Variants in LIMK1 observed in about 807,000 individuals in gnomAD.
LIMK1 encodes the protein LIM domain kinase 1.
Under a neutral mutation model 77.6 loss-of-function variants are expected in LIMK1, and 21 were observed. That is an observed-to-expected ratio of 0.27 (90% CI 0.19 to 0.39). The LOEUF is 0.39. Among genes scored for constraint, LIMK1 ranks in the 10% least tolerant of loss-of-function variants. The pLI is 1.00. For missense variants in LIMK1, 696 were observed against 901.6 expected (o/e 0.77, Z 2.92); for synonymous variants, 358 against 370.0 (o/e 0.97, Z 0.37).
At chr7:74,089,958 T>A (rs1057353990) in intron 2 of LIMK1, among the ~76,000 whole-genome samples, 2 of 151,986 alleles carry the variant, frequency 1.3e-5, no homozygotes, top group Non-Finnish European at 2.9e-5. Flanking sequence ...GGAAGCCGTG[T>A]TACAGGATGG....
At chr7:74,095,349 C>A (rs545078409) in intron 2 of LIMK1, among the ~76,000 whole-genome samples, 16 of 152,210 alleles carry the variant, frequency 1.1e-4, no homozygotes, top group Non-Finnish European at 1.9e-4. Flanking sequence ...CATGCCCCCC[C>A]ACAGCAGGAC....
At chr7:74,119,264 C>T (rs1290249182) in intron 13 of LIMK1, among the ~76,000 whole-genome samples, 6 of 151,450 alleles carry the variant, frequency 4.0e-5, no homozygotes, top group Admixed American at 2.6e-4. Context: ...CTGCAACCTC[C>T]ACCTCCTGGG....
chr7:74,115,894 A>G lies in LIMK1; in HGVS notation c.1503A>G (p.Pro501=), dbSNP rs1563924206. The G allele has an allele frequency of 6.2e-7, 1 of 1,614,212 alleles. No individual in the cohort carries two copies. Among genetic ancestry groups the G allele is most frequent in the South Asian group, 1.1e-5 (1 of 91,088 alleles). The change falls in exon 13 of 16, where the codon CCA becomes CCG. Residue 501 remains proline (P), a synonymous_variant. Transcript: ENST00000336180. ...AGGGCCTGCGGAGCCTCAAGAAGCCAGACCGCAAGAAGCGCTACACCGTGG... is the reference window on the plus strand; with the variant it reads ...AGGGCCTGCGGAGCCTCAAGAAGCCGGACCGCAAGAAGCGCTACACCGTGG... The part of the protein sequence containing the change: ...QPEGLRSLKK[P]DRKKRYTVVG...
At chr7:74,085,486 G>A (rs1185636371) in intron 1 of LIMK1, among the ~76,000 whole-genome samples, 2 of 152,204 alleles carry the variant, frequency 1.3e-5, no homozygotes, top group Non-Finnish European at 2.9e-5. Flanking sequence ...GCGGGAGGAT[G>A]GACCTGATCC....
intron 5 of LIMK1, among the ~76,000 whole-genome samples, chr7:74,103,694 C>G (rs1210702020): frequency 6.6e-6 from 1 of 152,152 alleles, no homozygotes; most frequent in African/African-American, 2.4e-5. Flanking sequence ...GCGATTATTA[C>G]TAGGGTGGCT....
intron 5 of LIMK1, among the ~76,000 whole-genome samples, chr7:74,102,508 CAG>C (rs1392555263): frequency 4.0e-3 from 35 of 8,792 alleles, no homozygotes; most frequent in African/African-American, 5.4e-3. Flanking sequence ...TTTTTGGAGA[CAG>C]GGTATCACTG....
At chr7:74,110,790 A>G (rs1799682764) in intron 10 of LIMK1, 1 of 151,952 alleles carries the variant, frequency 6.6e-6, no homozygotes, top group Non-Finnish European at 1.5e-5. Context: ...TGACCTCCCA[A>G]AGTGTTGGGA....
chr7:74,108,469 A>AC (rs1799627393), intron 9 of LIMK1, among the ~76,000 whole-genome samples: 2 of 152,008 alleles, frequency 1.3e-5, no homozygotes, highest in East Asian at 3.9e-4. Context: ...ACATGGCAAA[A>AC]CCCCGTCTCT....
At chr7:74,092,146 A>G (rs980773783) in intron 2 of LIMK1, among the ~76,000 whole-genome samples, 1 of 151,614 alleles carries the variant, frequency 6.6e-6, no homozygotes, top group African/African-American at 2.4e-5. Flanking sequence ...TTGTGTTTTT[A>G]ATAGAGACGG....
rs782011677 is a variant in LIMK1, at chr7:74,097,148, C to T, written c.360C>T (p.Asp120=). The change falls in exon 4 of 16, where the codon GAC becomes GAT. Residue 120 remains aspartate, a synonymous_variant. Transcript: ENST00000336180. ...TCACGTGTGGGACCTTTATCGGTGA[C>T]GGGGACACCTACACGCTGGTGGAGC... is the stretch of plus-strand genomic sequence containing the variant. The part of the protein sequence containing the change: ...ICLTCGTFIG[D]GDTYTLVEHS... 116 of 1,613,212 alleles carry T rather than the reference C, an allele frequency of 7.2e-5. 1 individual carries two copies. In the South Asian group the frequency reaches 1.1e-3, roughly 15 times the overall value.
intron 10 of LIMK1, chr7:74,109,704 G>C (rs1395814961): frequency 2.0e-5 from 3 of 152,846 alleles, no homozygotes; most frequent in Non-Finnish European, 4.4e-5. Flanking sequence ...AATTAGCCGG[G>C]CAAGGTGGCA....
intron 2 of LIMK1, 45 bp from the exon 3 acceptor site, chr7:74,096,577 G>A (rs782268300): frequency 2.4e-5 from 38 of 1,612,250 alleles, no homozygotes; most frequent in Non-Finnish European, 5.1e-6. Context: ...AGGTGAGGTG[G>A]AGGAGGGCGG....
intron 13 of LIMK1, among the ~76,000 whole-genome samples, chr7:74,119,202 G>A (rs1799882934): frequency 7.3e-6 from 1 of 137,790 alleles, no homozygotes; most frequent in Non-Finnish European, 1.5e-5. Flanking sequence ...TTTTTGAGAT[G>A]GAGTCTTGCA....
chr7:74,114,413 T>C (rs1554699050), intron 12 of LIMK1, among the ~76,000 whole-genome samples: 1 of 151,604 alleles, frequency 6.6e-6, no homozygotes, highest in African/African-American at 2.4e-5. Context: ...TTAGCTGGCA[T>C]GGTGGTGAGT....
chr7:74,087,184 C>T (rs1477120903), intron 2 of LIMK1, among the ~76,000 whole-genome samples: 2 of 152,106 alleles, frequency 1.3e-5, no homozygotes, highest in Non-Finnish European at 2.9e-5. Context: ...GGGCAGATCA[C>T]TTGAGTTCAG....
At position 74,083,952 on chromosome 7, in the gene LIMK1, C is replaced by G. The variant is rs1281988220; in HGVS notation, c.-39C>G. 1.0e-6 allele frequency: 1 copy of G among 966,102 alleles called. No individual in the cohort carries two copies. The highest frequency in any genetic ancestry group is 1.4e-6 in the Non-Finnish European group (1 of 739,778). The allele number at this position is 966,102 out of a possible 1,614,324, so 59.8% of individuals were successfully genotyped here. A position where few individuals can be genotyped will look rare whatever the true frequency, so the allele number is the denominator to read the frequency against. On this transcript the variant is annotated 5_prime_UTR_variant, in exon 1 of 16. Transcript: ENST00000336180. The stretch of plus-strand genomic sequence containing the variant: ...GCGAGCTCGCGGGCCCGGCCGCCCC[C>G]AGCCCCAGCCCCGCCGGGCCCCGCC...
rs1799082116 is a variant in LIMK1 at position 74,084,055 on chromosome 7, C to T, written c.55+10C>T. On this transcript the variant is annotated intron_variant, in intron 1 of 15. Transcript: ENST00000336180. ...CGTATGGGAGAGGAAGGTGCGCGGG[C>T]CGCGGGGTGTGGGGCGAGGGCCTGG... 6.8e-7 allele frequency: 1 copy of T among 1,478,388 alleles called. No homozygotes were observed. Among genetic ancestry groups the T allele is most frequent in the Non-Finnish European group, 9.1e-7 (1 of 1,104,194 alleles). The allele number at this position is 1,478,388 out of a possible 1,614,324, so 91.6% of individuals were successfully genotyped here. A position where few individuals can be genotyped will look rare whatever the true frequency, so the allele number is the denominator to read the frequency against.
At chr7:74,106,523 G>A (rs1177813551) in intron 7 of LIMK1, among the ~76,000 whole-genome samples, 6 of 152,336 alleles carry the variant, frequency 3.9e-5, no homozygotes, top group African/African-American at 1.4e-4. Flanking sequence ...CACTTTGGGA[G>A]GCCGAGGCAG....
At chr7:74,111,381 G>A in intron 10 of LIMK1, 1 of 463,418 alleles carries the variant, frequency 2.2e-6, no homozygotes, top group South Asian at 2.6e-5. Flanking sequence ...AAGGTTGTAG[G>A]GAGCTGAGAT....
Sources: gnomAD v4.1 joint callset for allele counts (sites outside exome capture counted in the v4.1 genomes callset) on GRCh38, gnomAD v4.1.1 for gene constraint, MANE v1.5 for transcripts, NCBI Gene and HGNC (gene_info 2026-07-23, HGNC 2026-07-21) for gene names.